Variants in FOXP2 observed in about 807,000 individuals in gnomAD.
FOXP2 encodes the protein forkhead box P2, also known as forkhead box protein P2.
A neutral mutation model predicts 115.8 loss-of-function variants in FOXP2; 12 were observed. The ratio of observed to expected loss-of-function variants is 0.10; its 90% confidence interval spans 0.07 to 0.17. The LOEUF (loss-of-function observed/expected upper bound fraction) is 0.17. Ranked by LOEUF, FOXP2 falls within the 10% of genes least tolerant of loss-of-function variation. The pLI is 1.00. For missense variants in FOXP2, 629 were observed against 843.5 expected (o/e 0.75, Z 3.15); for synonymous variants, 328 against 297.7 (o/e 1.10, Z -1.05).
Position 114,644,864 on chromosome 7 carries a change from C to T in FOXP2, c.1094+75C>T, listed in dbSNP as rs548176002. 3.0e-5 allele frequency: 34 copies of T among 1,148,578 alleles called. No homozygotes were observed. The African/African-American group carries it at 3.8e-4, about 13-fold the overall frequency. 71.1% of individuals were successfully genotyped at this position (1,148,578 alleles called of 1,614,324 possible). On this transcript the variant is annotated intron_variant, in intron 8 of 16. Transcript: ENST00000350908. ...GCATTTTAGGCACATTGTAAATAAACAAAAGATGAAGGAGGAATGTAAAAG... is the reference window on the plus strand; with the variant it reads ...GCATTTTAGGCACATTGTAAATAAATAAAAGATGAAGGAGGAATGTAAAAG...
chr7:114,599,161 G>T (rs1007567098), intron 3 of FOXP2, among the ~76,000 whole-genome samples: 3 of 152,004 alleles, frequency 2.0e-5, no homozygotes, highest in Non-Finnish European at 2.9e-5. Flanking sequence ...CCGACCTTGT[G>T]GGGGAGCTTT....
intron 14 of FOXP2, among the ~76,000 whole-genome samples, chr7:114,662,800 A>G (rs1005958): frequency 0.33 from 50,429 of 151,954 alleles, 9,832 homozygotes; most frequent in Non-Finnish European, 0.45. Flanking sequence ...TATAGAGAAC[A>G]AGACTGCCAA....
At chr7:114,243,748 T>C (rs1795209318) in intron 1 of FOXP2, among the ~76,000 whole-genome samples, 1 of 152,020 alleles carries the variant, frequency 6.6e-6, no homozygotes, top group African/African-American at 2.4e-5. Flanking sequence ...TTTCTCTGGG[T>C]ATGTGAGAGA....
chr7:114,087,228 A>G (rs1799437677), upstream of FOXP2, among the ~76,000 whole-genome samples: 1 of 152,092 alleles, frequency 6.6e-6, no homozygotes, highest in South Asian at 2.1e-4. Flanking sequence ...TCCAGGAAGG[A>G]GAGAGATGGA....
intron 1 of FOXP2, among the ~76,000 whole-genome samples, chr7:114,255,576 G>A (rs907775035): frequency 1.3e-5 from 2 of 152,330 alleles, no homozygotes; most frequent in East Asian, 1.9e-4. Flanking sequence ...ATCCGTGGGC[G>A]TGGGACCCTC....
chr7:114,155,260 G>C (rs1029895724), intron 1 of FOXP2, among the ~76,000 whole-genome samples: 8 of 152,032 alleles, frequency 5.3e-5, no homozygotes, highest in Non-Finnish European at 1.0e-4. Context: ...GCCATGATGG[G>C]AAGGGGGATC....
intron 16 of FOXP2, among the ~76,000 whole-genome samples, chr7:114,681,623 T>A (rs561516341): frequency 3.7e-4 from 56 of 152,316 alleles, no homozygotes; most frequent in African/African-American, 1.2e-3. Flanking sequence ...GAAATTTACT[T>A]TCTTCTATTG....
chr7:114,568,912 A>G (rs1187813639), intron 3 of FOXP2, among the ~76,000 whole-genome samples: 1 of 151,954 alleles, frequency 6.6e-6, no homozygotes, highest in Admixed American at 6.6e-5. Context: ...AAACTCCAGG[A>G]TCCCAACATG....
At chr7:114,243,576 T>C (rs558546933) in intron 1 of FOXP2, among the ~76,000 whole-genome samples, 1 of 152,360 alleles carries the variant, frequency 6.6e-6, no homozygotes, top group South Asian at 2.1e-4. Flanking sequence ...TCTAAGACTT[T>C]ATATTTGTGT....
intron 1 of FOXP2, among the ~76,000 whole-genome samples, chr7:114,098,299 G>A (rs1799696892): frequency 6.6e-6 from 1 of 152,120 alleles, no homozygotes; most frequent in Non-Finnish European, 1.5e-5. Flanking sequence ...AACCATAGAT[G>A]GAGGCATCAC....
chr7:114,662,015 A>AT (rs1457256196), intron 13 of FOXP2, 50 bp from the exon 14 acceptor site: 18 of 1,607,384 alleles, frequency 1.1e-5, no homozygotes, highest in Non-Finnish European at 1.5e-5. Context: ...GGGCTGCCTT[A>AT]TTAGACAATA....
chr7:114,438,724 G>A (rs962594407), intron 2 of FOXP2, among the ~76,000 whole-genome samples: 5 of 151,950 alleles, frequency 3.3e-5, no homozygotes, highest in African/African-American at 1.2e-4. Flanking sequence ...ATGTCTTAAA[G>A]TCACAGCTAG....
At chr7:114,301,941 T>A (rs550192008) in intron 2 of FOXP2, among the ~76,000 whole-genome samples, 33 of 152,256 alleles carry the variant, frequency 2.2e-4, no homozygotes, top group African/African-American at 7.5e-4. Context: ...GGTAGAAGTA[T>A]CACCCATCAC....
chr7:114,687,483 A>G (rs1455122818), intron 16 of FOXP2, among the ~76,000 whole-genome samples: 3 of 152,208 alleles, frequency 2.0e-5, no homozygotes, highest in African/African-American at 4.8e-5. Context: ...AGACATCTTA[A>G]TATAGCGTAA....
chr7:114,445,211 A>T (rs1794780532), intron 2 of FOXP2, among the ~76,000 whole-genome samples: 1 of 152,182 alleles, frequency 6.6e-6, no homozygotes, highest in East Asian at 1.9e-4. Flanking sequence ...ACTTTGGATT[A>T]TCTGTGTACT....
At chr7:114,096,039 C>T (rs980870670) in intron 1 of FOXP2, among the ~76,000 whole-genome samples, 4 of 152,150 alleles carry the variant, frequency 2.6e-5, no homozygotes, top group Non-Finnish European at 5.9e-5. Context: ...AGAGCTTCAT[C>T]TAGGTTGTTT....
chr7:114,587,880 A>AT (rs1190124247), intron 3 of FOXP2, among the ~76,000 whole-genome samples: 1 of 61,722 alleles, frequency 1.6e-5, no homozygotes, highest in Admixed American at 2.0e-4. Context: ...GAGATAATTA[A>AT]ATCCACCTTT....
chr7:114,601,644 G>A (rs1027793803), intron 3 of FOXP2, among the ~76,000 whole-genome samples: 6 of 151,850 alleles, frequency 4.0e-5, no homozygotes, highest in African/African-American at 7.3e-5. Context: ...CCTTTAACAC[G>A]CATTAGCTTT....
chr7:114,369,323 T>C (rs969295931), intron 2 of FOXP2, among the ~76,000 whole-genome samples: 1 of 152,162 alleles, frequency 6.6e-6, no homozygotes, highest in African/African-American at 2.4e-5. Context: ...TAGTCAAGAA[T>C]TTGTAGGTAT....
Sources: allele counts gnomAD v4.1 joint callset (sites outside exome capture counted in the v4.1 genomes callset), GRCh38; gene constraint gnomAD v4.1.1; transcripts MANE v1.5; gene names NCBI Gene and HGNC (gene_info 2026-07-23, HGNC 2026-07-21).